Variants in EFCAB11 observed in about 807,000 individuals in gnomAD.
EFCAB11 encodes EF-hand calcium-binding domain-containing protein 11.
A neutral mutation model predicts 23.0 loss-of-function variants in EFCAB11; 14 were observed. The ratio of observed to expected loss-of-function variants is 0.61; its 90% CI spans 0.40 to 0.95. The LOEUF is 0.95. EFCAB11 is among the 40% of genes least tolerant of loss of function. The pLI, the probability that EFCAB11 is intolerant of heterozygous loss-of-function variation, is 0.00. For synonymous variants in EFCAB11, 65 were observed against 66.6 expected, an observed-to-expected ratio of 0.98 and a Z score of 0.11; for missense variants, 198 against 195.8, an observed-to-expected ratio of 1.01 and a Z score of -0.07.
chr14:89,951,576 C>T (rs979114146), intron 2 of EFCAB11, among the ~76,000 whole-genome samples: 6 of 152,084 alleles, frequency 3.9e-5, no homozygotes, highest in Non-Finnish European at 5.9e-5. Flanking sequence ...TCACTAGCAA[C>T]TAGCAAGTAC....
intron 5 of EFCAB11, among the ~76,000 whole-genome samples, chr14:89,828,234 T>C (rs1170336863): frequency 6.6e-6 from 1 of 151,752 alleles, no homozygotes; most frequent in Non-Finnish European, 1.5e-5. Flanking sequence ...CCTAAAAGTG[T>C]ATAAAAACCT....
chr14:89,950,509 A>AT (rs926412888), intron 2 of EFCAB11, among the ~76,000 whole-genome samples: 2 of 152,136 alleles, frequency 1.3e-5, no homozygotes, highest in African/African-American at 2.4e-5. Context: ...TATTTTTAAG[A>AT]TTTTTTTCCT....
At chr14:89,946,538 T>C (rs1435701952) in intron 3 of EFCAB11, among the ~76,000 whole-genome samples, 1 of 152,026 alleles carries the variant, frequency 6.6e-6, no homozygotes, top group Non-Finnish European at 1.5e-5. Flanking sequence ...TCTATTTCCA[T>C]CTATTTTTTG....
chr14:89,841,195 T>C (rs528962382), intron 5 of EFCAB11, among the ~76,000 whole-genome samples: 15 of 152,332 alleles, frequency 9.8e-5, no homozygotes, highest in Non-Finnish European at 1.5e-4. Context: ...TTTCACCTCA[T>C]GCCTTGATTG....
chr14:89,873,463 C>A (rs1323064617), intron 5 of EFCAB11, among the ~76,000 whole-genome samples: 1 of 152,144 alleles, frequency 6.6e-6, no homozygotes, highest in African/African-American at 2.4e-5. Context: ...CCAAACATGC[C>A]TTCCCAGCAG....
At chr14:89,905,334 C>T (rs1044265695) in intron 5 of EFCAB11, among the ~76,000 whole-genome samples, 1 of 152,166 alleles carries the variant, frequency 6.6e-6, no homozygotes, top group African/African-American at 2.4e-5. Flanking sequence ...CAATGTTCCA[C>T]ATGTTAGGGA....
chr14:89,834,403 A>AAAAAAAAAAAAAAAC (rs67216494), intron 5 of EFCAB11, among the ~76,000 whole-genome samples: 1 of 101,398 alleles, frequency 9.9e-6, no homozygotes, highest in Non-Finnish European at 2.0e-5. Context: ...AAAAAAAAAA[A>AAAAAAAAAAAAAAAC]CCTTTTTGTT....
rs375782284 is a variant in EFCAB11, at chr14:89,794,968, C to CTTTTTT, written c.*2269_*2274dup. On this transcript the variant is annotated 3_prime_UTR_variant, in exon 6 of 6. Coordinates refer to ENST00000316738, the MANE Select transcript of EFCAB11 (RefSeq NM_145231.4). ...TGCTTGATTTGTTTCTACTTAATGT[C>CTTTTTT]TTTTTTTTTTTTTTTTTTTTTTTTT... The CTTTTTT allele has an allele frequency of 3.0e-5, 2 of 67,246 alleles. No homozygotes were observed. The highest frequency in any genetic ancestry group is 1.2e-4 in the African/African-American group (2 of 16,006). 4.2% of individuals were successfully genotyped at this position (67,246 alleles called of 1,614,324 possible).
chr14:89,826,039 C>T (rs1886679619), intron 5 of EFCAB11, among the ~76,000 whole-genome samples: 1 of 152,134 alleles, frequency 6.6e-6, no homozygotes, highest in East Asian at 1.9e-4. Flanking sequence ...TAATGGAGAG[C>T]AGGGTGGTGG....
intron 5 of EFCAB11, among the ~76,000 whole-genome samples, chr14:89,896,636 GAA>G (rs1390742577): frequency 5.3e-5 from 8 of 152,232 alleles, no homozygotes; most frequent in Non-Finnish European, 7.4e-5. Context: ...GTATTAATAA[GAA>G]GAGAAAAAGG....
intron 5 of EFCAB11, chr14:89,923,464 G>A (rs1429740512): frequency 6.4e-6 from 1 of 156,846 alleles, no homozygotes; most frequent in Non-Finnish European, 1.4e-5. Context: ...CAAAACCATT[G>A]AAATAAAAAC....
intron 2 of EFCAB11, among the ~76,000 whole-genome samples, chr14:89,952,844 T>C (rs7158356): frequency 0.29 from 43,925 of 152,088 alleles, 10,565 homozygotes; most frequent in African/African-American, 0.65. Flanking sequence ...CAGGCTGAGC[T>C]CTGAGTGCTT....
intron 5 of EFCAB11, among the ~76,000 whole-genome samples, chr14:89,804,736 T>C (rs1254993852): frequency 6.6e-6 from 1 of 152,200 alleles, no homozygotes; most frequent in Non-Finnish European, 1.5e-5. Flanking sequence ...AGACTATTCC[T>C]CTACTTGCAA....
intron 5 of EFCAB11, among the ~76,000 whole-genome samples, chr14:89,828,816 A>C (rs1886792409): frequency 6.6e-6 from 1 of 152,190 alleles, no homozygotes; most frequent in South Asian, 2.1e-4. Context: ...ACAGTTGGGG[A>C]GATATTAGTG....
chr14:89,861,660 G>A (rs1169307755), intron 5 of EFCAB11, among the ~76,000 whole-genome samples: 1 of 152,152 alleles, frequency 6.6e-6, no homozygotes, highest in Non-Finnish European at 1.5e-5. Context: ...TAGGAATGTG[G>A]TCTTTTGGAG....
intron 3 of EFCAB11, among the ~76,000 whole-genome samples, chr14:89,944,715 CAAG>C (rs1337069356): frequency 6.6e-6 from 1 of 151,922 alleles, no homozygotes; most frequent in Non-Finnish European, 1.5e-5. Context: ...AAATTTTCAA[CAAG>C]AAATTTAAAA....
At chr14:89,883,393 G>A (rs895498209) in intron 5 of EFCAB11, among the ~76,000 whole-genome samples, 2 of 152,126 alleles carry the variant, frequency 1.3e-5, no homozygotes, top group African/African-American at 4.8e-5. Context: ...TGAAGGACTG[G>A]TTCCAGGACC....
chr14:89,925,724 CA>C (rs1293129356), intron 5 of EFCAB11, among the ~76,000 whole-genome samples: 17 of 151,014 alleles, frequency 1.1e-4, no homozygotes, highest in Admixed American at 1.1e-3. Flanking sequence ...GGGCTCACTG[CA>C]ACCTCCGCCT....
Position 89,794,840 on chromosome 14 carries a change from A to G in EFCAB11, c.*2403T>C, listed in dbSNP as rs1885520963. The G allele has an allele frequency of 6.6e-6, 1 of 152,264 alleles. No homozygotes were observed. Among genetic ancestry groups the G allele is most frequent in the Non-Finnish European group, 1.5e-5 (1 of 68,016 alleles). 9.4% of individuals were successfully genotyped at this position (152,264 alleles called of 1,614,324 possible). The stretch of plus-strand genomic sequence containing the variant: ...TGTGAAAATAGTAGAGGGTTCCCAT[A>G]TACCTCACCCAGTTTCCCCTACTAT... On this transcript the variant is annotated 3_prime_UTR_variant, in exon 6 of 6. Coordinates refer to ENST00000316738, the MANE Select transcript of EFCAB11 (RefSeq NM_145231.4).
Sources: gnomAD v4.1 joint callset for allele counts (sites outside exome capture counted in the v4.1 genomes callset) on GRCh38, gnomAD v4.1.1 for gene constraint, MANE v1.5 for transcripts, NCBI Gene and HGNC (gene_info 2026-07-23, HGNC 2026-07-21) for gene names.